The following SUGCT variants were observed in gnomAD, a reference collection of about 807,000 sequenced individuals.
SUGCT encodes the protein succinyl-CoA:glutarate-CoA transferase, also known as succinyl-CoA:glutarate CoA-transferase.
SUGCT carries 41 observed loss-of-function variants against 55.0 expected under a neutral mutation model. The observed-to-expected ratio is 0.74, with a 90% CI of 0.58 to 0.97. SUGCT has a LOEUF of 0.97. SUGCT is among the 50% of genes least tolerant of loss of function. SUGCT has a pLI of 0.00. For synonymous variants in SUGCT, 187 were observed against 200.4 expected (o/e 0.93, Z 0.56); for missense variants, 568 against 547.8 (o/e 1.04, Z -0.37).
At chr7:40,262,324 T>C (rs1042974686) in intron 7 of SUGCT, among the ~76,000 whole-genome samples, 1 of 151,980 alleles carries the variant, frequency 6.6e-6, no homozygotes, top group African/African-American at 2.4e-5. Context: ...GTAGGTACAT[T>C]AGATTGTTTG....
chr7:40,959,124 C>T, the SUGCT span, among the ~76,000 whole-genome samples: 1 of 152,288 alleles, frequency 6.6e-6, no homozygotes, highest in East Asian at 1.9e-4. Flanking sequence ...GAGGTGTCTC[C>T]CAGTCAGGAG....
At chr7:40,990,854 A>AC in the SUGCT span, among the ~76,000 whole-genome samples, 1 of 152,110 alleles carries the variant, frequency 6.6e-6, no homozygotes, top group South Asian at 2.1e-4. Flanking sequence ...CAGCTTCCTC[A>AC]TTTCTCAGCT....
intron 9 of SUGCT, among the ~76,000 whole-genome samples, chr7:40,426,822 T>A (rs1225524900): frequency 6.6e-6 from 1 of 151,948 alleles, no homozygotes; most frequent in Non-Finnish European, 1.5e-5. Flanking sequence ...TAATTTTTAA[T>A]TTTTTTTAAG....
intron 11 of SUGCT, among the ~76,000 whole-genome samples, chr7:40,462,234 A>G (rs1353714502): frequency 6.6e-6 from 1 of 152,108 alleles, no homozygotes. Flanking sequence ...AAATGAGAGA[A>G]AATGTCTGAG....
At chr7:40,795,883 C>T (rs1480310620) in intron 13 of SUGCT, among the ~76,000 whole-genome samples, 2 of 152,220 alleles carry the variant, frequency 1.3e-5, no homozygotes, top group South Asian at 2.1e-4. Flanking sequence ...GTGAAATGGT[C>T]AAACATGCTG....
chr7:40,903,156 C>T, the SUGCT span, among the ~76,000 whole-genome samples: 1 of 151,950 alleles, frequency 6.6e-6, no homozygotes, highest in South Asian at 2.1e-4. Context: ...CTCAGCCTCC[C>T]AAGTAGCTGG....
Position 40,649,081 on chromosome 7 carries a change from G to GT in SUGCT, c.1090-100347dup, listed in dbSNP as rs533867159. 4.2e-4 allele frequency among the ~76,000 whole-genome samples: 64 copies of GT among 152,020 alleles called. 1 individual carries two copies. In the East Asian group the frequency reaches 0.012, roughly 29 times the overall value. ...CTAAAACTTCTTTCACTAATTTATTGTTTTTTAAATGGTTACTTAGGTTTC... is the reference window on the plus strand; with the variant it reads ...CTAAAACTTCTTTCACTAATTTATTGTTTTTTTAAATGGTTACTTAGGTTTC... On this transcript the variant is annotated intron_variant, in intron 12 of 13. Coordinates refer to ENST00000335693, the MANE Select transcript of SUGCT (RefSeq NM_001193313.2).
At chr7:40,464,207 G>A (rs73688096) in intron 11 of SUGCT, among the ~76,000 whole-genome samples, 1,830 of 152,236 alleles carry the variant, frequency 0.012, 40 homozygotes, top group African/African-American at 0.04. Flanking sequence ...ACATTTATTG[G>A]CCATTGACTG....
intron 9 of SUGCT, among the ~76,000 whole-genome samples, chr7:40,320,805 G>T (rs866321111): frequency 2.0e-5 from 3 of 152,136 alleles, no homozygotes; most frequent in Non-Finnish European, 4.4e-5. Context: ...TTTAAAATTA[G>T]ATTTTAGAGC....
At chr7:40,911,753 T>C in the SUGCT span, among the ~76,000 whole-genome samples, 1 of 152,104 alleles carries the variant, frequency 6.6e-6, no homozygotes, top group Non-Finnish European at 1.5e-5. Context: ...CCAAATGTCA[T>C]GCAAATCATG....
chr7:40,833,727 C>T (rs1219903728), intron 13 of SUGCT, among the ~76,000 whole-genome samples: 1 of 152,144 alleles, frequency 6.6e-6, no homozygotes, highest in Non-Finnish European at 1.5e-5. Flanking sequence ...CTGAATGAGT[C>T]AGTGAGAGAC....
rs184672836 is a variant in SUGCT, at chr7:40,798,131, A to G, written c.1153+48634A>G. 4.2e-4 allele frequency among the ~76,000 whole-genome samples: 64 copies of G among 152,296 alleles called. No individual in the cohort carries two copies. In the East Asian group the frequency reaches 0.012, roughly 28 times the overall value. The stretch of plus-strand genomic sequence containing the variant: ...TCTCCAACCTTCCTTACTCTTCTGC[A>G]TATGTATATTTCCTAGCATTTATCA... On this transcript the variant is annotated intron_variant, in intron 13 of 13. Coordinates refer to ENST00000335693, the MANE Select transcript of SUGCT (RefSeq NM_001193313.2).
intron 12 of SUGCT, among the ~76,000 whole-genome samples, chr7:40,505,592 G>A (rs143226600): frequency 1.3e-5 from 2 of 151,838 alleles, no homozygotes; most frequent in African/African-American, 2.4e-5. Context: ...CTTCAGTTTT[G>A]TACTGATTTA....
the SUGCT span, among the ~76,000 whole-genome samples, chr7:41,031,056 G>A: frequency 8.5e-5 from 13 of 152,168 alleles, no homozygotes; most frequent in Middle Eastern, 3.4e-3. Flanking sequence ...CCGTCTCCCG[G>A]GCTCAAGTGA....
At chr7:40,438,996 A>C (rs886365751) in intron 9 of SUGCT, among the ~76,000 whole-genome samples, 1 of 143,930 alleles carries the variant, frequency 6.9e-6, no homozygotes, top group South Asian at 2.2e-4. Context: ...ATATATAGAA[A>C]GTATATATGT....
rs1196536240 is a variant in SUGCT at position 40,536,554 on chromosome 7, C to G, written c.1089+40168C>G. ...CTGTTTACAATTGGATGTGAGATAG[C>G]CACATAGGGCCAGGCAAGTAGTTAG... On this transcript the variant is annotated intron_variant, in intron 12 of 13. Coordinates refer to ENST00000335693, the MANE Select transcript of SUGCT (RefSeq NM_001193313.2). Among the ~76,000 whole-genome samples, 4 of 152,198 alleles carry G rather than the reference C, an allele frequency of 2.6e-5. No individual in the cohort carries two copies. In the East Asian group the frequency reaches 7.7e-4, roughly 29 times the overall value.
chr7:40,425,100 A>G (rs552936480), intron 9 of SUGCT, among the ~76,000 whole-genome samples: 2 of 152,260 alleles, frequency 1.3e-5, no homozygotes, highest in East Asian at 1.9e-4. Flanking sequence ...AATATATTAC[A>G]GTGTAAGTGG....
At chr7:40,510,250 T>C (rs751729966) in intron 12 of SUGCT, among the ~76,000 whole-genome samples, 2 of 152,162 alleles carry the variant, frequency 1.3e-5, no homozygotes, top group East Asian at 1.9e-4. Flanking sequence ...AATTCTGTTT[T>C]TTTATTAAAA....
At chr7:40,966,190 T>G in the SUGCT span, 2 of 152,140 alleles carry the variant, frequency 1.3e-5, no homozygotes, top group Non-Finnish European at 2.9e-5. Context: ...TCACAGAAAT[T>G]TTACAGGTGG....
Sources: allele counts gnomAD v4.1 joint callset (sites outside exome capture counted in the v4.1 genomes callset), GRCh38; gene constraint gnomAD v4.1.1; transcripts MANE v1.5; gene names NCBI Gene and HGNC (gene_info 2026-07-23, HGNC 2026-07-21).